ANKRD30B: variants seen among roughly 807,000 people sequenced by gnomAD.
The protein encoded by ANKRD30B is ankyrin repeat domain-containing protein 30B.
ANKRD30B carries 144 observed loss-of-function variants against 202.2 expected under a neutral mutation model. That is an observed-to-expected ratio of 0.71 (90% CI 0.62 to 0.82). The LOEUF (loss-of-function observed/expected upper bound fraction) is 0.82, where lower values mean the gene tolerates loss of function less well. ANKRD30B is among the 40% of genes least tolerant of loss of function. ANKRD30B has a pLI of 0.00. For synonymous variants in ANKRD30B, 508 were observed against 561.3 expected (o/e 0.91, Z 1.34); for missense variants, 1,487 against 1,669.1 (o/e 0.89, Z 1.90).
the ANKRD30B span, among the ~76,000 whole-genome samples, chr18:14,869,600 T>G: frequency 6.6e-6 from 1 of 152,192 alleles, no homozygotes; most frequent in Non-Finnish European, 1.5e-5. Flanking sequence ...TTATTTCTGG[T>G]TTTTACAAAT....
chr18:14,931,632 G>GCTCC, the ANKRD30B span, among the ~76,000 whole-genome samples: 2 of 152,156 alleles, frequency 1.3e-5, no homozygotes, highest in Admixed American at 6.5e-5. Flanking sequence ...GGGCCTCAGT[G>GCTCC]CTCCCTGCGC....
the ANKRD30B span, among the ~76,000 whole-genome samples, chr18:14,901,076 A>G: frequency 6.6e-6 from 1 of 152,236 alleles, no homozygotes; most frequent in East Asian, 1.9e-4. Flanking sequence ...TCTAAGCTGA[A>G]TAACTAAATA....
the ANKRD30B span, among the ~76,000 whole-genome samples, chr18:14,866,378 G>A: frequency 2.6e-5 from 4 of 152,150 alleles, no homozygotes; most frequent in Non-Finnish European, 5.9e-5. Flanking sequence ...TAGGAGGGGG[G>A]CTGGAGCAGT....
chr18:14,904,210 C>T, the ANKRD30B span, among the ~76,000 whole-genome samples: 13 of 152,204 alleles, frequency 8.5e-5, no homozygotes, highest in Non-Finnish European at 1.9e-4. Flanking sequence ...AGTTTCTATG[C>T]ATAATTATCC....
chr18:14,791,617 G>A lies in ANKRD30B; in HGVS notation c.1825+126G>A. 3 of 718,556 alleles carry A rather than the reference G, an allele frequency of 4.2e-6. 1 individual carries two copies. The South Asian group carries it at 6.2e-5, about 15-fold the overall frequency. 44.5% of individuals were successfully genotyped at this position (718,556 alleles called of 1,614,324 possible). A position where few individuals can be genotyped will look rare whatever the true frequency, so the allele number is the denominator to read the frequency against. On this transcript the variant is annotated intron_variant, in intron 16 of 43. Coordinates refer to ENST00000690538, the MANE Select transcript of ANKRD30B (RefSeq NM_001367607.2). ...TGCAAAGCACAGAAAAAAGAGAAGT[G>A]AAACGGTGATAAGTTATACGTCTTA...
At chr18:14,779,485 A>G (rs558893457) in intron 10 of ANKRD30B, among the ~76,000 whole-genome samples, 2 of 152,354 alleles carry the variant, frequency 1.3e-5, no homozygotes, top group South Asian at 2.1e-4. Context: ...GGTTGAACAT[A>G]TATTTCCTAA....
intron 16 of ANKRD30B, among the ~76,000 whole-genome samples, chr18:14,794,850 T>C (rs1365628090): frequency 6.6e-6 from 1 of 152,120 alleles, no homozygotes; most frequent in African/African-American, 2.4e-5. Context: ...TGTCTAAATA[T>C]ATTAAAGTGT....
intron 24 of ANKRD30B, among the ~76,000 whole-genome samples, chr18:14,805,889 T>C (rs1387040723): frequency 6.7e-6 from 1 of 149,930 alleles, no homozygotes; most frequent in Non-Finnish European, 1.5e-5. Context: ...CAGCAACTTT[T>C]TATTTTTTGT....
intron 11 of ANKRD30B, among the ~76,000 whole-genome samples, chr18:14,781,288 CTTTT>C (rs892666549): frequency 2.3e-5 from 2 of 85,672 alleles, no homozygotes; most frequent in East Asian, 3.8e-4. Context: ...TCTGAGTATT[CTTTT>C]TTTTTTTTTT....
At chr18:14,920,780 C>T in the ANKRD30B span, among the ~76,000 whole-genome samples, 6 of 152,194 alleles carry the variant, frequency 3.9e-5, no homozygotes, top group African/African-American at 9.7e-5. Context: ...GGAACTCCTT[C>T]GTCAGTGGGG....
At chr18:14,860,672 G>A in the ANKRD30B span, among the ~76,000 whole-genome samples, 46 of 151,436 alleles carry the variant, frequency 3.0e-4, no homozygotes, top group East Asian at 2.6e-3. Flanking sequence ...GGGGCCTAGC[G>A]TTAGTCTTCT....
At chr18:14,811,413 A>T (rs553329099) in intron 28 of ANKRD30B, among the ~76,000 whole-genome samples, 1 of 150,964 alleles carries the variant, frequency 6.6e-6, no homozygotes, top group African/African-American at 2.4e-5. Flanking sequence ...GGGTTTCACC[A>T]TGTTAGCCAG....
chr18:14,835,606 A>T (rs958846139), intron 34 of ANKRD30B, among the ~76,000 whole-genome samples: 5 of 151,672 alleles, frequency 3.3e-5, no homozygotes, highest in African/African-American at 1.2e-4. Flanking sequence ...ACAATCATAG[A>T]TATATGTAAA....
chr18:14,921,362 T>C, the ANKRD30B span, among the ~76,000 whole-genome samples: 159 of 126,206 alleles, frequency 1.3e-3, no homozygotes, highest in African/African-American at 4.7e-3. Flanking sequence ...TTAGATATAA[T>C]TGCCTGTTGT....
the ANKRD30B span, among the ~76,000 whole-genome samples, chr18:14,927,855 A>T: frequency 6.6e-6 from 1 of 152,198 alleles, no homozygotes; most frequent in East Asian, 1.9e-4. Flanking sequence ...GAACCAACAG[A>T]AGCATTTGTT....
intron 12 of ANKRD30B, among the ~76,000 whole-genome samples, chr18:14,783,971 C>G (rs572711785): frequency 2.6e-5 from 4 of 152,002 alleles, no homozygotes; most frequent in Non-Finnish European, 5.9e-5. Context: ...CAAAGATAGG[C>G]CATATTAAAG....
chr18:14,842,274 A>C (rs1425245114), intron 37 of ANKRD30B, among the ~76,000 whole-genome samples: 1 of 152,268 alleles, frequency 6.6e-6, no homozygotes, highest in Non-Finnish European at 1.5e-5. Context: ...TTCTGAGGAT[A>C]AACTAGAGGA....
At chr18:14,936,488 G>A in the ANKRD30B span, among the ~76,000 whole-genome samples, 1 of 152,156 alleles carries the variant, frequency 6.6e-6, no homozygotes, top group East Asian at 1.9e-4. Context: ...ATAGGGTGGA[G>A]AAACGAGAGG....
At chr18:14,829,510 C>T (rs1970811855) in intron 33 of ANKRD30B, among the ~76,000 whole-genome samples, 1 of 151,936 alleles carries the variant, frequency 6.6e-6, no homozygotes, top group Non-Finnish European at 1.5e-5. Context: ...CAGGGAAAGG[C>T]CAAGTTTGAA....
Sources: allele counts gnomAD v4.1 joint callset (sites outside exome capture counted in the v4.1 genomes callset), GRCh38; gene constraint gnomAD v4.1.1; transcripts MANE v1.5; gene names NCBI Gene and HGNC (gene_info 2026-07-23, HGNC 2026-07-21).